TMEM117: variants seen among roughly 807,000 people sequenced by gnomAD.
TMEM117 encodes the protein transmembrane protein 117.
In TMEM117, 27 loss-of-function variants were observed where a neutral mutation model predicts 52.4. That is an observed-to-expected ratio of 0.51 (90% confidence interval 0.38 to 0.71). The LOEUF (loss-of-function observed/expected upper bound fraction) is 0.71, where lower values mean the gene tolerates loss of function less well. Ranked by LOEUF, TMEM117 falls within the 30% of genes least tolerant of loss-of-function variation. The probability of loss-of-function intolerance (pLI) is 0.00; values close to 1 mark genes in which losing one functional copy is unlikely to be tolerated. For missense variants in TMEM117, 556 were observed against 630.5 expected (o/e 0.88, Z 1.26); for synonymous variants, 215 against 206.3 (o/e 1.04, Z -0.36).
intron 6 of TMEM117, among the ~76,000 whole-genome samples, chr12:44,368,400 G>C (rs533365354): frequency 4.4e-4 from 67 of 152,168 alleles, no homozygotes; most frequent in African/African-American, 1.4e-3. Context: ...AACTCTGGAG[G>C]TCATTCACCT....
chr12:44,000,863 G>A (rs1391814286), intron 3 of TMEM117, among the ~76,000 whole-genome samples: 1 of 152,196 alleles, frequency 6.6e-6, no homozygotes, highest in Non-Finnish European at 1.5e-5. Context: ...CACAGCACTA[G>A]AAAAGAGAAA....
intron 5 of TMEM117, among the ~76,000 whole-genome samples, chr12:44,261,633 A>G (rs1377288973): frequency 6.6e-6 from 1 of 152,216 alleles, no homozygotes; most frequent in Non-Finnish European, 1.5e-5. Flanking sequence ...AATTTGAATA[A>G]TAGGAACATA....
intron 3 of TMEM117, among the ~76,000 whole-genome samples, chr12:43,945,663 G>T (rs1022663891): frequency 1.3e-5 from 2 of 152,148 alleles, no homozygotes; most frequent in African/African-American, 2.4e-5. Flanking sequence ...AAGGAGATTG[G>T]CTTAGTATTA....
In TMEM117 at chr12:44,373,771, C is replaced by CTTTTTTT. The variant is rs142046499; in HGVS notation, c.769-2802_769-2796dup. On this transcript the variant is annotated intron_variant, in intron 6 of 7. Coordinates refer to ENST00000266534, the MANE Select transcript of TMEM117 (RefSeq NM_032256.3). Reference sequence around the variant, plus strand: ...TTCACCAGCCTAGGATGTCCATTTCCTTTTTTTTTTTTTTTTTTTTTTTTT... The same window carrying CTTTTTTT: ...TTCACCAGCCTAGGATGTCCATTTCCTTTTTTTTTTTTTTTTTTTTTTTTTTTTTTTT... 2.2e-4 allele frequency among the ~76,000 whole-genome samples: 13 copies of CTTTTTTT among 60,038 alleles called. 1 individual carries two copies. The highest frequency in any genetic ancestry group is 3.6e-4 in the African/African-American group (5 of 13,902). The allele number at this position is 60,038 out of a possible 152,430, so 39.4% of individuals were successfully genotyped here. A position where few individuals can be genotyped will look rare whatever the true frequency, so the allele number is the denominator to read the frequency against.
chr12:44,177,952 A>G lies in TMEM117; in HGVS notation c.511-33338A>G, dbSNP rs949154514. ...CTTACATTCTGTGATTATTGTTCCA[A>G]CTGTTGAAGTTATACCAAAACTTAC... On this transcript the variant is annotated intron_variant, in intron 4 of 7. Transcript: ENST00000266534. Among the ~76,000 whole-genome samples the G allele has an allele frequency of 4.6e-5, 7 of 152,226 alleles. No individual in the cohort carries two copies. In the South Asian group the frequency reaches 6.2e-4, roughly 14 times the overall value.
chr12:44,102,416 CT>C (rs200195803), intron 3 of TMEM117, among the ~76,000 whole-genome samples: 2 of 151,764 alleles, frequency 1.3e-5, no homozygotes, highest in Admixed American at 6.6e-5. Context: ...TCTTGCAGTT[CT>C]TTTTTTTCCC....
At chr12:44,114,319 A>G (rs1948095982) in intron 3 of TMEM117, among the ~76,000 whole-genome samples, 1 of 152,240 alleles carries the variant, frequency 6.6e-6, no homozygotes, top group Admixed American at 6.5e-5. Flanking sequence ...GTGCCTGTTC[A>G]TAATGGCAAC....
intron 5 of TMEM117, among the ~76,000 whole-genome samples, chr12:44,260,534 C>T (rs1010415038): frequency 6.6e-6 from 1 of 151,990 alleles, no homozygotes; most frequent in Admixed American, 6.6e-5. Context: ...CTATTATTAA[C>T]CTCTATGGTA....
At chr12:44,319,541 GT>G (rs1951104205) in intron 6 of TMEM117, among the ~76,000 whole-genome samples, 1 of 152,058 alleles carries the variant, frequency 6.6e-6, no homozygotes, top group African/African-American at 2.4e-5. Flanking sequence ...ATGGGTTCCC[GT>G]TTTCCCTTTT....
intron 3 of TMEM117, among the ~76,000 whole-genome samples, chr12:43,990,685 T>G (rs546791006): frequency 6.6e-6 from 1 of 151,710 alleles, no homozygotes; most frequent in East Asian, 1.9e-4. Context: ...AGCTCATTAT[T>G]TTTTCAGTAT....
intron 3 of TMEM117, among the ~76,000 whole-genome samples, chr12:43,979,130 AC>A (rs1945719160): frequency 6.6e-6 from 1 of 151,226 alleles, no homozygotes; most frequent in African/African-American, 2.4e-5. Context: ...AATTAATATT[AC>A]CCAGTAATTT....
chr12:43,975,221 A>G (rs969576753), intron 3 of TMEM117, among the ~76,000 whole-genome samples: 1 of 152,170 alleles, frequency 6.6e-6, no homozygotes, highest in African/African-American at 2.4e-5. Flanking sequence ...TTATTATTAT[A>G]TCAAAGGGTA....
chr12:44,013,292 G>A (rs890833926), intron 3 of TMEM117, among the ~76,000 whole-genome samples: 4 of 152,110 alleles, frequency 2.6e-5, no homozygotes, highest in African/African-American at 7.2e-5. Flanking sequence ...CTCCCAAAGC[G>A]CTGGGATTAC....
intron 5 of TMEM117, among the ~76,000 whole-genome samples, chr12:44,282,449 A>T (rs1950589828): frequency 1.3e-5 from 2 of 152,168 alleles, no homozygotes; most frequent in Non-Finnish European, 2.9e-5. Context: ...ATGGACCATA[A>T]GGTCCAGGTG....
At chr12:44,039,888 C>T (rs554251051) in intron 3 of TMEM117, among the ~76,000 whole-genome samples, 5 of 152,086 alleles carry the variant, frequency 3.3e-5, no homozygotes, top group South Asian at 2.1e-4. Flanking sequence ...CTGATTATTT[C>T]CTGGAATAGA....
At chr12:43,989,689 A>C (rs1181059095) in intron 3 of TMEM117, among the ~76,000 whole-genome samples, 4 of 152,190 alleles carry the variant, frequency 2.6e-5, no homozygotes, top group African/African-American at 9.6e-5. Flanking sequence ...CCTTATGAGA[A>C]TGTCATAGCT....
intron 2 of TMEM117, among the ~76,000 whole-genome samples, chr12:43,941,362 A>T (rs1945041532): frequency 6.6e-6 from 1 of 152,184 alleles, no homozygotes; most frequent in South Asian, 2.1e-4. Context: ...CACATAATTT[A>T]TTTTCCAAAC....
upstream of TMEM117, among the ~76,000 whole-genome samples, chr12:43,832,418 A>G (rs973499987): frequency 2.0e-5 from 3 of 152,258 alleles, no homozygotes; most frequent in Non-Finnish European, 4.4e-5. Context: ...AAGAATAGGA[A>G]GAACAGTAGC....
intron 2 of TMEM117, among the ~76,000 whole-genome samples, chr12:43,920,255 G>A (rs1337503143): frequency 6.6e-6 from 1 of 152,162 alleles, no homozygotes; most frequent in African/African-American, 2.4e-5. Context: ...GTCAGGCATG[G>A]TGGCTCACGC....
Sources: allele counts gnomAD v4.1 joint callset (sites outside exome capture counted in the v4.1 genomes callset), GRCh38; gene constraint gnomAD v4.1.1; transcripts MANE v1.5; gene names NCBI Gene and HGNC (gene_info 2026-07-23, HGNC 2026-07-21).